Variants in MAP3K13 observed in about 807,000 individuals in gnomAD.
The protein encoded by MAP3K13 is mitogen-activated protein kinase kinase kinase 13, also known as leucine zipper-bearing kinase.
Under a neutral mutation model 104.0 loss-of-function variants are expected in MAP3K13, and 52 were observed. The ratio of observed to expected loss-of-function variants is 0.50; its 90% CI spans 0.40 to 0.63. The LOEUF is 0.63. MAP3K13 is among the 20% of genes least tolerant of loss of function. MAP3K13 has a pLI of 0.00. For missense variants in MAP3K13, 914 were observed against 1,218.5 expected (o/e 0.75, Z 3.72); for synonymous variants, 394 against 442.2 (o/e 0.89, Z 1.37).
chr3:185,454,628 T>TATATATGATATATATG (rs1553808137), intron 7 of MAP3K13, among the ~76,000 whole-genome samples: 4 of 52,268 alleles, frequency 7.7e-5, no homozygotes, highest in African/African-American at 1.2e-4. Flanking sequence ...ATATATGAGA[T>TATATATGATATATATG]ATATATATGA....
intron 3 of MAP3K13, among the ~76,000 whole-genome samples, chr3:185,440,863 G>A (rs1274741991): frequency 2.6e-5 from 4 of 152,132 alleles, no homozygotes; most frequent in Non-Finnish European, 4.4e-5. Flanking sequence ...TCAAAGGAAG[G>A]CATGTATACC....
rs991739647 is a variant in MAP3K13 at position 185,424,884 on chromosome 3, G to A, written c.-85-3613G>A. ...CTGTTGCCCAGCCTGGAGTACAGTG[G>A]CACAAACACAGCTCACTGCAGCCTC... On this transcript the variant is annotated intron_variant, in intron 1 of 13. Coordinates refer to ENST00000265026, the MANE Select transcript of MAP3K13 (RefSeq NM_004721.5). 2.0e-5 allele frequency among the ~76,000 whole-genome samples: 3 copies of A among 152,098 alleles called. No homozygotes were observed. In the South Asian group the frequency reaches 6.2e-4, roughly 32 times the overall value.
At chr3:185,398,533 C>T (rs954508328) in intron 1 of MAP3K13, among the ~76,000 whole-genome samples, 1 of 152,134 alleles carries the variant, frequency 6.6e-6, no homozygotes, top group African/African-American at 2.4e-5. Context: ...TACCATATCC[C>T]CTACTAGGTT....
In MAP3K13 at chr3:185,455,338, TGA is replaced by T. The variant is rs1369342526; in HGVS notation, c.1278+3946_1278+3947del. 1.3e-4 allele frequency among the ~76,000 whole-genome samples: 16 copies of T among 121,526 alleles called. 2 individuals are homozygous for T. The highest frequency in any genetic ancestry group is 4.9e-4 in the South Asian group (2 of 4,056). 79.7% of individuals were successfully genotyped at this position (121,526 alleles called of 152,430 possible). ...ATATATGAGATATATATGATATATATGAGATATATATGATATATATATGAGAT... is the reference window on the plus strand; with the variant it reads ...ATATATGAGATATATATGATATATATGATATATATGATATATATATGAGAT... On this transcript the variant is annotated intron_variant, in intron 7 of 13. Coordinates refer to ENST00000265026, the MANE Select transcript of MAP3K13 (RefSeq NM_004721.5).
Position 185,370,906 on chromosome 3 carries a change from A to G in MAP3K13, c.-86+7538A>G, listed in dbSNP as rs528420679. 7.2e-5 allele frequency among the ~76,000 whole-genome samples: 11 copies of G among 152,162 alleles called. No homozygotes were observed. The South Asian group carries it at 2.1e-3, about 29-fold the overall frequency. On this transcript the variant is annotated intron_variant, in intron 1 of 13. Transcript: ENST00000265026. ...TGCTCCTAACAAAATTCATCCTATT[A>G]CCTCTTTCTGCCCATCTCTCACTAC...
At chr3:185,295,804 A>G (rs1720901345) in intron 2 of MAP3K13, among the ~76,000 whole-genome samples, 1 of 152,138 alleles carries the variant, frequency 6.6e-6, no homozygotes, top group Non-Finnish European at 1.5e-5. Flanking sequence ...GTTTTATTAC[A>G]CTGTATGCCC....
intron 1 of MAP3K13, among the ~76,000 whole-genome samples, chr3:185,365,592 T>C (rs1014349569): frequency 2.0e-5 from 3 of 152,172 alleles, no homozygotes; most frequent in Non-Finnish European, 4.4e-5. Flanking sequence ...TGACCAATTC[T>C]GCCAGGTGGC....
In MAP3K13 at chr3:185,466,816, T is replaced by C; in HGVS notation, c.1506-10T>C. On this transcript the variant is annotated splice_polypyrimidine_tract_variant and intron_variant, in intron 9 of 13. Coordinates refer to ENST00000265026, the MANE Select transcript of MAP3K13 (RefSeq NM_004721.5). ...ATGACTGAGGTGTGGCTTTTGCCTTTATTCTGCAGGCGTGAGCAAGCAGTG... is the reference window on the plus strand; with the variant it reads ...ATGACTGAGGTGTGGCTTTTGCCTTCATTCTGCAGGCGTGAGCAAGCAGTG... 3 of 1,613,996 alleles carry C rather than the reference T, an allele frequency of 1.9e-6. No individual in the cohort carries two copies. Among genetic ancestry groups the C allele is most frequent in the Non-Finnish European group, 2.5e-6 (3 of 1,179,866 alleles).
intron 2 of MAP3K13, among the ~76,000 whole-genome samples, chr3:185,433,674 A>G (rs1311990514): frequency 2.0e-5 from 3 of 152,216 alleles, no homozygotes; most frequent in Non-Finnish European, 4.4e-5. Context: ...TTCTTTCATT[A>G]CCAGTACTAT....
intron 2 of MAP3K13, among the ~76,000 whole-genome samples, chr3:185,357,428 AC>A (rs1316759742): frequency 1.4e-5 from 2 of 148,020 alleles, no homozygotes; most frequent in African/African-American, 5.1e-5. Context: ...AGCCTGGGCA[AC>A]AAGAGTGAAA....
chr3:185,438,521 T>C (rs1182894706), intron 3 of MAP3K13, among the ~76,000 whole-genome samples: 2 of 152,180 alleles, frequency 1.3e-5, no homozygotes, highest in African/African-American at 2.4e-5. Flanking sequence ...CTTAACCTAA[T>C]GATTGTTGAG....
Position 185,422,571 on chromosome 3 carries a change from C to T in MAP3K13, c.-85-5926C>T, listed in dbSNP as rs76390866. On this transcript the variant is annotated intron_variant, in intron 1 of 13. Coordinates refer to ENST00000265026, the MANE Select transcript of MAP3K13 (RefSeq NM_004721.5). ...TTTTTCTAACTTTCTGTGTATGAGC[C>T]CATCCTAACATTATGTATTGGGCAG... Among the ~76,000 whole-genome samples, 41 of 152,118 alleles carry T rather than the reference C, an allele frequency of 2.7e-4. 1 individual carries two copies. In the East Asian group the frequency reaches 7.9e-3, roughly 29 times the overall value.
At chr3:185,409,967 C>T (rs1479433869) in intron 1 of MAP3K13, among the ~76,000 whole-genome samples, 22 of 152,150 alleles carry the variant, frequency 1.4e-4, no homozygotes, top group Admixed American at 1.4e-3. Flanking sequence ...AACTGTCCCA[C>T]CTCAGATCAT....
At chr3:185,459,868 C>T (rs1577598460) in intron 7 of MAP3K13, among the ~76,000 whole-genome samples, 1 of 152,260 alleles carries the variant, frequency 6.6e-6, no homozygotes, top group South Asian at 2.1e-4. Flanking sequence ...AGTAACTCCC[C>T]ATTCCCTCCT....
intron 2 of MAP3K13, among the ~76,000 whole-genome samples, chr3:185,431,912 A>T (rs1714758460): frequency 6.6e-6 from 1 of 152,060 alleles, no homozygotes; most frequent in South Asian, 2.1e-4. Flanking sequence ...TTCTTGCTCC[A>T]TGCAAAAATT....
rs142077360 is a variant in MAP3K13 at position 185,327,978 on chromosome 3, G to C, written c.-86+42335G>C. 4.3e-3 allele frequency among the ~76,000 whole-genome samples: 641 copies of C among 147,582 alleles called. 3 individuals are homozygous for C. The highest frequency in any genetic ancestry group is 0.015 in the African/African-American group (607 of 40,098). On this transcript the variant is annotated intron_variant, in intron 2 of 14. Coordinates refer to the MAP3K13 transcript ENST00000424227. ...GGGAGGGAGGGAGGGAAGAAAGGAA[G>C]GAAAGAAGGGGGAAGGAGGGAGGGA...
chr3:185,352,984 C>A (rs1366998419), intron 2 of MAP3K13, among the ~76,000 whole-genome samples: 1 of 152,238 alleles, frequency 6.6e-6, no homozygotes, highest in Non-Finnish European at 1.5e-5. Context: ...ACTATCCTAT[C>A]TTGAGGTAGT....
chr3:185,411,781 CTTTTTT>C (rs67723912), intron 1 of MAP3K13, among the ~76,000 whole-genome samples: 2 of 94,056 alleles, frequency 2.1e-5, no homozygotes. Flanking sequence ...GCAGTTATGT[CTTTTTT>C]TTTTTTTTTT....
chr3:185,427,121 G>C (rs990410591), intron 1 of MAP3K13, among the ~76,000 whole-genome samples: 5 of 152,102 alleles, frequency 3.3e-5, no homozygotes, highest in African/African-American at 1.2e-4. Flanking sequence ...GTGAGGCAAA[G>C]GCAGGTGGAT....
Sources: allele counts gnomAD v4.1 joint callset (sites outside exome capture counted in the v4.1 genomes callset), GRCh38; gene constraint gnomAD v4.1.1; transcripts MANE v1.5; gene names NCBI Gene and HGNC (gene_info 2026-07-23, HGNC 2026-07-21).